DMXL1: variants seen among roughly 807,000 people sequenced by gnomAD.
DMXL1 encodes the protein Dmx like 1, also known as dmX-like protein 1.
Under a neutral mutation model 319.2 loss-of-function variants are expected in DMXL1, and 99 were observed. The observed-to-expected ratio is 0.31, with a 90% CI of 0.26 to 0.37. The LOEUF is 0.37. DMXL1 is among the 10% of genes least tolerant of loss of function. DMXL1 has a pLI of 1.00. For missense variants in DMXL1, 3,745 were observed against 3,595.6 expected, an observed-to-expected ratio of 1.04 and a Z score of -1.06; for synonymous variants, 1,385 against 1,235.2, an observed-to-expected ratio of 1.12 and a Z score of -2.54.
At chr5:119,152,707 G>C (rs1055686942) in intron 19 of DMXL1, among the ~76,000 whole-genome samples, 1 of 152,180 alleles carries the variant, frequency 6.6e-6, no homozygotes, top group African/African-American at 2.4e-5. Flanking sequence ...TCTCACTTAA[G>C]TTCACTTAAA....
intron 13 of DMXL1, among the ~76,000 whole-genome samples, chr5:119,138,473 G>A (rs1203491766): frequency 6.6e-6 from 1 of 152,174 alleles, no homozygotes; most frequent in Admixed American, 6.5e-5. Context: ...AAAATATACA[G>A]TAGTTGTCAG....
At chr5:119,086,056 C>T (rs2149713819) in intron 1 of DMXL1, among the ~76,000 whole-genome samples, 1 of 152,184 alleles carries the variant, frequency 6.6e-6, no homozygotes, top group South Asian at 2.1e-4. Context: ...GAGCAAGTTA[C>T]AAAAGAGGTT....
rs113587616 is a variant in DMXL1 at position 119,149,538 on chromosome 5, G to A, written c.3711G>A (p.Val1237=). The A allele has an allele frequency of 6.2e-7, 1 of 1,613,950 alleles. No individual in the cohort carries two copies. Among genetic ancestry groups the A allele is most frequent in the Admixed American group, 1.7e-5 (1 of 59,990 alleles). ...TAGGAATGGACTGTGAAATGCATGT[G>A]TATTGCCAATGGCAACCATCTTCTA... ...LVVGMDCEMH[V]YCQWQPSSKQ... Residue 1237 remains valine (V), a synonymous_variant, in exon 18 of 44, where the codon GTG becomes GTA. Coordinates refer to ENST00000539542, the MANE Select transcript of DMXL1 (RefSeq NM_001290321.3).
intron 24 of DMXL1, among the ~76,000 whole-genome samples, chr5:119,171,506 G>C (rs898371587): frequency 1.2e-4 from 9 of 75,882 alleles, no homozygotes; most frequent in Non-Finnish European, 2.6e-4. Flanking sequence ...ACACTCCAAA[G>C]TGTTGTCTGA....
chr5:119,163,652 A>G (rs959319367), intron 19 of DMXL1, among the ~76,000 whole-genome samples: 2 of 152,250 alleles, frequency 1.3e-5, no homozygotes, highest in South Asian at 2.1e-4. Context: ...GCAGTGGCAC[A>G]ATCTCGGCTC....
intron 43 of DMXL1, among the ~76,000 whole-genome samples, chr5:119,246,422 C>T (rs1312746227): frequency 6.6e-6 from 1 of 152,024 alleles, no homozygotes; most frequent in Non-Finnish European, 1.5e-5. Context: ...ACTTAACCTC[C>T]TTGTTACCTA....
intron 4 of DMXL1, among the ~76,000 whole-genome samples, chr5:119,105,908 AAAAGG>A (rs199739394): frequency 3.1e-4 from 46 of 149,830 alleles, no homozygotes; most frequent in East Asian, 4.5e-4. Context: ...AAAAAAAAAA[AAAAGG>A]AAGAAAATAT....
intron 26 of DMXL1, 29 bp from the exon 27 acceptor site, chr5:119,177,328 T>C: frequency 7.2e-7 from 1 of 1,390,400 alleles, no homozygotes; most frequent in Non-Finnish European, 9.6e-7. Context: ...AAATTTATCA[T>C]AGATTTAAAT....
Position 119,247,013 on chromosome 5 carries a change from T to A in DMXL1, c.8941T>A (p.Phe2981Ile). The A allele has an allele frequency of 6.2e-7, 1 of 1,612,298 alleles. No individual in the cohort carries two copies. Among genetic ancestry groups the A allele is most frequent in the Non-Finnish European group, 8.5e-7 (1 of 1,178,668 alleles). ...CTTTCAGATTTGGAGTCTCTCTACC[T>A]TTGGTCTTCTCCATACTTTTGTCAG... is the stretch of plus-strand genomic sequence containing the variant. ...GNIKIWSLST[F>I]GLLHTFVSEH... The change falls in exon 44 of 44, where the codon TTT (phenylalanine) becomes ATT (isoleucine). Residue 2981 changes from phenylalanine (F) to isoleucine (I), a missense_variant. Physicochemically the swap from Phe to Ile is conservative, Grantham distance 21 (BLOSUM62 0). This residue lies in a region of DMXL1 where 262 missense variants were observed against 320.5 expected (regional missense o/e 0.82). Transcript: ENST00000539542.
chr5:119,120,867 A>G (rs1761888357), intron 8 of DMXL1, 104 bp from the exon 9 acceptor site: 1 of 914,036 alleles, frequency 1.1e-6, no homozygotes, highest in African/African-American at 1.7e-5. Flanking sequence ...AAACATGTAA[A>G]ATGTTCTGAG....
chr5:119,187,863 A>G (rs1193660541), intron 28 of DMXL1, among the ~76,000 whole-genome samples: 2 of 152,154 alleles, frequency 1.3e-5, no homozygotes, highest in African/African-American at 4.8e-5. Flanking sequence ...GGGTTTCACC[A>G]TGTTGGCCAG....
chr5:119,232,450 A>G (rs1035558670), intron 38 of DMXL1, among the ~76,000 whole-genome samples: 4 of 152,142 alleles, frequency 2.6e-5, no homozygotes, highest in Non-Finnish European at 5.9e-5. Context: ...ATACCACATT[A>G]ATATTGATAA....
chr5:119,089,999 C>CTTTTTTT lies in DMXL1; in HGVS notation c.88-7948_88-7942dup, dbSNP rs70982467. Among the ~76,000 whole-genome samples, 309 of 34,400 alleles carry CTTTTTTT rather than the reference C, an allele frequency of 9.0e-3. 112 individuals carry two copies. Among genetic ancestry groups the CTTTTTTT allele is most frequent in the East Asian group, 0.011 (7 of 656 alleles). 22.6% of individuals were successfully genotyped at this position (34,400 alleles called of 152,430 possible). A position where few individuals can be genotyped will look rare whatever the true frequency, so the allele number is the denominator to read the frequency against. On this transcript the variant is annotated intron_variant, in intron 1 of 43. Transcript: ENST00000539542. ...TGATTATTTTATGCTTCGGGTTAGT[C>CTTTTTTT]TTTTTTTTTTTTTTTTTTTTTTTTT...
At chr5:119,122,204 G>T (rs1019770158) in intron 9 of DMXL1, among the ~76,000 whole-genome samples, 1 of 138,898 alleles carries the variant, frequency 7.2e-6, no homozygotes, top group African/African-American at 2.7e-5. Context: ...CTTCCCAGTA[G>T]GGGCGGCCGG....
At chr5:119,115,667 A>C (rs959716891) in intron 6 of DMXL1, among the ~76,000 whole-genome samples, 3 of 152,176 alleles carry the variant, frequency 2.0e-5, no homozygotes, top group African/African-American at 7.2e-5. Flanking sequence ...AATTATGACT[A>C]TAAATTTGAT....
At chr5:119,074,527 G>T (rs1750375225) in intron 1 of DMXL1, among the ~76,000 whole-genome samples, 1 of 152,154 alleles carries the variant, frequency 6.6e-6, no homozygotes, top group Non-Finnish European at 1.5e-5. Context: ...AGCCTGACAG[G>T]TTTTAAATGG....
At chr5:119,226,899 G>C (rs965651369) in intron 38 of DMXL1, among the ~76,000 whole-genome samples, 1 of 152,210 alleles carries the variant, frequency 6.6e-6, no homozygotes, top group Non-Finnish European at 1.5e-5. Flanking sequence ...CTCCTAAGCA[G>C]AGGAGCTTCT....
chr5:119,133,226 A>T lies in DMXL1; in HGVS notation c.1410A>T (p.Leu470Phe). 1 of 1,614,222 alleles carries T rather than the reference A, an allele frequency of 6.2e-7. No homozygotes were observed. Among genetic ancestry groups the T allele is most frequent in the South Asian group, 1.1e-5 (1 of 91,086 alleles). The change falls in exon 11 of 44, where the codon TTA (leucine) becomes TTT (phenylalanine). Residue 470 changes from leucine (L) to phenylalanine (F), a missense_variant. By Grantham distance (22) the Leu-to-Phe change is conservative. Around this residue, in one of 4 missense-constraint regions of DMXL1, gnomAD observed 2,096 missense variants for 1,985.4 expected, o/e 1.06. Coordinates refer to ENST00000539542, the MANE Select transcript of DMXL1 (RefSeq NM_001290321.3). ...KMVPNSSFTS[L>F]SSAAIDHQIE... is the part of the protein sequence containing the mutation. ...TACCAAACTCAAGTTTTACATCATT[A>T]TCGTCAGCTGCCATTGATCATCAGA...
Position 119,129,279 on chromosome 5 carries a change from G to T in DMXL1, c.1171G>T (p.Val391Phe). 2 of 1,613,640 alleles carry T rather than the reference G, an allele frequency of 1.2e-6. No homozygotes were observed. The highest frequency in any genetic ancestry group is 1.7e-6 in the Non-Finnish European group (2 of 1,179,832). The change falls in exon 10 of 44, where the codon GTT (valine) becomes TTT (phenylalanine). Residue 391 changes from valine to phenylalanine, a missense_variant. Around this residue, in one of 4 missense-constraint regions of DMXL1, gnomAD observed 2,096 missense variants for 1,985.4 expected, o/e 1.06. Transcript: ENST00000539542. ...AAATGAAGAGAAGACCGGACCTTTT[G>T]TTGTACACTGGCTAAACAATAAAGA... ...NENEEKTGPFVVHWLNNKELH... is the reference protein window; with the variant it reads ...NENEEKTGPFFVHWLNNKELH...
Sources: gnomAD v4.1 joint callset for allele counts (sites outside exome capture counted in the v4.1 genomes callset) on GRCh38, gnomAD v4.1.1 for gene constraint, gnomAD v4.1.1 regional missense constraint, MANE v1.5 for transcripts, NCBI Gene and HGNC (gene_info 2026-07-23, HGNC 2026-07-21) for gene names.